The following PCNA variants were observed in gnomAD, a reference collection of about 807,000 sequenced individuals.
PCNA encodes the protein DNA sliding clamp PCNA.
PCNA carries 4 observed loss-of-function variants against 27.8 expected under a neutral mutation model. That is an observed-to-expected ratio of 0.14 (90% CI 0.07 to 0.33). PCNA has a LOEUF of 0.33. Among genes scored for constraint, PCNA ranks in the 10% least tolerant of loss-of-function variants. The pLI is 1.00. For synonymous variants in PCNA, 121 were observed against 119.4 expected (o/e 1.01, Z -0.09); for missense variants, 165 against 327.4 (o/e 0.50, Z 3.83).
upstream of PCNA, among the ~76,000 whole-genome samples, chr20:5,123,545 A>G (rs1353411176): frequency 1.3e-5 from 2 of 152,046 alleles, no homozygotes; most frequent in Non-Finnish European, 2.9e-5. Flanking sequence ...AAATACAAAA[A>G]TTAGCTGGGC....
upstream of PCNA, among the ~76,000 whole-genome samples, chr20:5,123,133 G>A (rs1287092379): frequency 1.3e-5 from 2 of 152,214 alleles, no homozygotes; most frequent in Admixed American, 1.3e-4. Context: ...ATTCAGACAA[G>A]TTTGATGTAG....
upstream of PCNA, chr20:5,120,005 A>G (rs1012190868): frequency 1.7e-6 from 1 of 583,466 alleles, no homozygotes; most frequent in Non-Finnish European, 3.1e-6. Flanking sequence ...CCGCGTTGCG[A>G]CGTCACCACG....
At chr20:5,119,990 C>G, upstream of PCNA, 1 of 595,200 alleles carries the variant, frequency 1.7e-6, no homozygotes, top group Non-Finnish European at 3.0e-6. Context: ...CGCTCTCACC[C>G]TGCGCCGCGT....
upstream of PCNA, among the ~76,000 whole-genome samples, chr20:5,124,142 G>A (rs1208343819): frequency 1.3e-5 from 2 of 152,204 alleles, no homozygotes; most frequent in African/African-American, 4.8e-5. Context: ...CACCTGGTGT[G>A]TTAGGAAGGA....
intron 3 of PCNA, 37 bp from the exon 4 acceptor site, chr20:5,117,701 A>T (rs1422920927): frequency 7.3e-7 from 1 of 1,375,588 alleles, no homozygotes; most frequent in Non-Finnish European, 1.0e-6. Flanking sequence ...GTTAATTGTT[A>T]GAAATTTAAT....
At chr20:5,120,979 GTAT>G (rs1014492706), upstream of PCNA, among the ~76,000 whole-genome samples, 7 of 151,748 alleles carry the variant, frequency 4.6e-5, no homozygotes, top group East Asian at 3.9e-4. Flanking sequence ...GCTAATTTTT[GTAT>G]TATTATTATT....
In PCNA at chr20:5,115,453, G is replaced by A. The variant is rs17353; in HGVS notation, c.702C>T (p.Pro234=). 6.2e-7 allele frequency: 1 copy of A among 1,613,880 alleles called. No homozygotes were observed. The highest frequency in any genetic ancestry group is 1.3e-5 in the African/African-American group (1 of 74,912). ...TVTLSMSADV[P]LVVEYKIADM... ...GGTTCAAATTTATTATCTTACCAAG[G>A]GGTACATCTGCAGACATACTGAGTG... is the stretch of plus-strand genomic sequence containing the variant. Residue 234 remains proline (P), a synonymous_variant, in exon 5 of 6, where the codon CCC becomes CCT. Coordinates refer to ENST00000379143, the MANE Select transcript of PCNA (RefSeq NM_182649.2).
chr20:5,119,907 G>C lies in PCNA; in HGVS notation c.-109C>G. The C allele has an allele frequency of 2.5e-6, 2 of 806,514 alleles. No homozygotes were observed. The highest frequency in any genetic ancestry group is 4.0e-6 in the Non-Finnish European group (2 of 496,270). The allele number at this position is 806,514 out of a possible 1,614,324, so 50.0% of individuals were successfully genotyped here. On this transcript the variant is annotated 5_prime_UTR_variant, in exon 1 of 6. Transcript: ENST00000379143. ...GAGCGGGCGAACGTCGCGACGACCG[G>C]CTGAGACCTAGAAAGACAACGACCA...
At chr20:5,122,861 C>T (rs1394997621), upstream of PCNA, among the ~76,000 whole-genome samples, 1 of 152,180 alleles carries the variant, frequency 6.6e-6, no homozygotes, top group Admixed American at 6.5e-5. Flanking sequence ...GGGGGATCCA[C>T]CATGTACATC....
chr20:5,121,108 C>T (rs766233139), upstream of PCNA, among the ~76,000 whole-genome samples: 1 of 152,208 alleles, frequency 6.6e-6, no homozygotes, highest in African/African-American at 2.4e-5. Flanking sequence ...CAGGCGTGAG[C>T]CACCACGCCC....
chr20:5,120,414 CAAGATA>C (rs1422313804), upstream of PCNA, among the ~76,000 whole-genome samples: 2 of 152,242 alleles, frequency 1.3e-5, no homozygotes, highest in African/African-American at 2.4e-5. Flanking sequence ...GTAGGTGTCA[CAAGATA>C]AAGAGGTGAA....
chr20:5,124,502 C>A (rs1028710056), upstream of PCNA, among the ~76,000 whole-genome samples: 1 of 151,818 alleles, frequency 6.6e-6, no homozygotes, highest in African/African-American at 2.4e-5. Context: ...TGGTGGCGGG[C>A]GCCTGTAGTC....
intron 4 of PCNA, 92 bp downstream of exon 4, chr20:5,117,378 A>G (rs977699187): frequency 1.2e-6 from 1 of 861,598 alleles, no homozygotes; most frequent in East Asian, 2.6e-5. Context: ...CTTGGGATCC[A>G]ATTCTGTCTA....
chr20:5,122,407 T>C (rs1466685668), upstream of PCNA, among the ~76,000 whole-genome samples: 1 of 152,262 alleles, frequency 6.6e-6, no homozygotes. Flanking sequence ...ACTCAGTTAG[T>C]TGCTGATTCT....
chr20:5,123,653 C>G (rs535441188), upstream of PCNA, among the ~76,000 whole-genome samples: 94 of 151,426 alleles, frequency 6.2e-4, no homozygotes, highest in Non-Finnish European at 1.0e-3. Context: ...CAAGATTGCG[C>G]CACTGTACTC....
At position 5,115,341 on chromosome 20, in the gene PCNA, T is replaced by A; in HGVS notation, c.728A>T (p.Asp243Val). The A allele has an allele frequency of 6.2e-7, 1 of 1,613,982 alleles. No individual in the cohort carries two copies. The highest frequency in any genetic ancestry group is 1.1e-5 in the South Asian group (1 of 91,078). ...CAAGTAGTATTTTAAGTGTCCCATATCCGCAATTTTATACTCTACAACTGA... is the reference window on the plus strand; with the variant it reads ...CAAGTAGTATTTTAAGTGTCCCATAACCGCAATTTTATACTCTACAACTGA... ...VPLVVEYKIA[D>V]MGHLKYYLAP... The change falls in exon 6 of 6, where the codon GAT (aspartate) becomes GTT (valine). Residue 243 changes from aspartate (D) to valine (V), a missense_variant. By Grantham distance (152) the Asp-to-Val change is radical. Transcript: ENST00000379143.
At chr20:5,126,109 C>T (rs1256648997) in intron 1 of PCNA, among the ~76,000 whole-genome samples, 2 of 152,146 alleles carry the variant, frequency 1.3e-5, no homozygotes, top group African/African-American at 4.8e-5. Flanking sequence ...TGGCGCGCAC[C>T]TTGGAATTGT....
upstream of PCNA, chr20:5,120,169 G>C (rs1041483539): frequency 7.9e-6 from 2 of 253,844 alleles, no homozygotes; most frequent in African/African-American, 4.5e-5. Flanking sequence ...CCTGAACCCG[G>C]CCGCAGAACA....
chr20:5,121,937 A>G (rs192563832), upstream of PCNA, among the ~76,000 whole-genome samples: 337 of 149,758 alleles, frequency 2.3e-3, 1 homozygote, highest in Non-Finnish European at 2.9e-3. Flanking sequence ...AAACTGTTAC[A>G]CAATGCTTTA....
Sources: allele counts gnomAD v4.1 joint callset (sites outside exome capture counted in the v4.1 genomes callset), GRCh38; gene constraint gnomAD v4.1.1; transcripts MANE v1.5; gene names NCBI Gene and HGNC (gene_info 2026-07-23, HGNC 2026-07-21).